The following KRAS variants were observed in gnomAD, a reference collection of about 807,000 sequenced individuals.
KRAS encodes KRas proto-oncogene, GTPase.
In KRAS, 1 loss-of-function variant was observed where a neutral mutation model predicts 21.0. That is an observed-to-expected ratio of 0.05 (90% confidence interval 0.02 to 0.23). KRAS has a LOEUF of 0.23. Ranked by LOEUF, KRAS falls within the 10% of genes least tolerant of loss-of-function variation. The pLI is 1.00. For missense variants in KRAS, 107 were observed against 221.8 expected (o/e 0.48, Z 3.29); for synonymous variants, 67 against 72.5 (o/e 0.92, Z 0.39).
intron 2 of KRAS, among the ~76,000 whole-genome samples, chr12:25,240,549 T>C (rs998660341): frequency 1.3e-5 from 2 of 152,182 alleles, no homozygotes; most frequent in African/African-American, 2.4e-5. Flanking sequence ...ATAAGCTCCA[T>C]GAAGGCAGGA....
intron 2 of KRAS, among the ~76,000 whole-genome samples, chr12:25,238,901 T>C (rs1168321271): frequency 6.6e-6 from 1 of 152,204 alleles, no homozygotes; most frequent in Non-Finnish European, 1.5e-5. Flanking sequence ...TCCAATTAAA[T>C]CCTTGGATAA....
intron 4 of KRAS, among the ~76,000 whole-genome samples, chr12:25,216,922 A>C (rs1951261813): frequency 6.6e-6 from 1 of 152,198 alleles, no homozygotes; most frequent in Non-Finnish European, 1.5e-5. Flanking sequence ...CTTCTAACAG[A>C]AAGGTGAATA....
At position 25,208,154 on chromosome 12, in the gene KRAS, A is replaced by C. The variant is rs1409526404; in HGVS notation, c.*1641T>G. ...TGTATCCTTATGTAAATGGAATATA[A>C]ATTACATAGTTGTAAAAAAAAAAAA... On this transcript the variant is annotated 3_prime_UTR_variant, in exon 5 of 5. Coordinates refer to ENST00000311936, the MANE Select transcript of KRAS (RefSeq NM_004985.5). The C allele has an allele frequency of 4.7e-6, 1 of 214,744 alleles. No homozygotes were observed. Among genetic ancestry groups the C allele is most frequent in the Non-Finnish European group, 9.1e-6 (1 of 109,770 alleles). The allele number at this position is 214,744 out of a possible 1,614,324, so 13.3% of individuals were successfully genotyped here. A position where few individuals can be genotyped will look rare whatever the true frequency, so the allele number is the denominator to read the frequency against.
At chr12:25,209,980 C>A in intron 4 of KRAS, 69 bp from the exon 5 acceptor site, 1 of 1,127,436 alleles carries the variant, frequency 8.9e-7, no homozygotes, top group Non-Finnish European at 1.3e-6. Flanking sequence ...TAACAAATTT[C>A]ATTAATGGAA....
At chr12:25,245,683 A>G (rs1429366974) in intron 1 of KRAS, among the ~76,000 whole-genome samples, 1 of 152,226 alleles carries the variant, frequency 6.6e-6, no homozygotes, top group Non-Finnish European at 1.5e-5. Flanking sequence ...CTATCTAAAT[A>G]GCCAGACTGC....
At position 25,205,564 on chromosome 12, in the gene KRAS, A is replaced by T. The variant is rs1951127319; in HGVS notation, c.*4231T>A. On this transcript the variant is annotated 3_prime_UTR_variant, in exon 5 of 5. Transcript: ENST00000311936. ...CCAGGTAAACATGTTACATTAAGAAATAGTACTAGTAAGAAATTGGCACTC... is the reference window on the plus strand; with the variant it reads ...CCAGGTAAACATGTTACATTAAGAATTAGTACTAGTAAGAAATTGGCACTC... 1 of 216,402 alleles carries T rather than the reference A, an allele frequency of 4.6e-6. No individual in the cohort carries two copies. Among genetic ancestry groups the T allele is most frequent in the Non-Finnish European group, 9.3e-6 (1 of 107,186 alleles). 13.4% of individuals were successfully genotyped at this position (216,402 alleles called of 1,614,324 possible).
At chr12:25,235,777 G>A (rs12230737) in intron 2 of KRAS, among the ~76,000 whole-genome samples, 17,917 of 151,990 alleles carry the variant, frequency 0.12, 1,423 homozygotes, top group Admixed American at 0.16. Context: ...TTAGAACAGC[G>A]GTCCCCAACT....
At chr12:25,223,012 G>C (rs10842509) in intron 4 of KRAS, among the ~76,000 whole-genome samples, 17,393 of 152,176 alleles carry the variant, frequency 0.11, 1,334 homozygotes, top group Admixed American at 0.16. Context: ...TAGAAATGCA[G>C]ACTCGGTCCC....
chr12:25,227,452 C>T (rs1282851486), intron 2 of KRAS, 40 bp from the exon 3 acceptor site: 1 of 1,588,302 alleles, frequency 6.3e-7, no homozygotes, highest in African/African-American at 1.3e-5. Flanking sequence ...TTACAGTGCA[C>T]CTTTTACTTC....
chr12:25,228,885 C>A (rs144562425), intron 2 of KRAS, among the ~76,000 whole-genome samples: 4 of 152,074 alleles, frequency 2.6e-5, no homozygotes, highest in Non-Finnish European at 4.4e-5. Flanking sequence ...ATGGTGAAAC[C>A]CCATCTCTAT....
At position 25,209,832 on chromosome 12, in the gene KRAS, T is replaced by C; in HGVS notation, c.530A>G (p.Lys177Arg). ...ACACTTTGTCTTTGACTTCTTTTTC[T>C]TCTTTTTACCATCTTTGCTCATCTT... ...KEKMSKDGKK[K>R]KKKSKTKCVI... is the part of the protein sequence containing the mutation. The change falls in exon 5 of 5, where the codon AAG becomes AGG. Residue 177 changes from lysine (K) to arginine (R), a missense_variant. Lys to Arg is a conservative substitution (Grantham distance 26, BLOSUM62 2). Coordinates refer to ENST00000311936, the MANE Select transcript of KRAS (RefSeq NM_004985.5). 6.2e-7 allele frequency: 1 copy of C among 1,610,842 alleles called. No homozygotes were observed.
At chr12:25,222,151 A>G (rs899780146) in intron 4 of KRAS, among the ~76,000 whole-genome samples, 4 of 149,812 alleles carry the variant, frequency 2.7e-5, no homozygotes, top group African/African-American at 7.3e-5. Context: ...TCCGTCTCAA[A>G]AAAAAAAAAC....
At position 25,209,392 on chromosome 12, in the gene KRAS, C is replaced by G. The variant is rs1184378701; in HGVS notation, c.*403G>C. On this transcript the variant is annotated 3_prime_UTR_variant, in exon 5 of 5. Coordinates refer to ENST00000311936, the MANE Select transcript of KRAS (RefSeq NM_004985.5). ...GTAAAAACCAATTAGAAGGTCTCAA[C>G]TGAAATTAGTAATTAATCCATTTAT... 2.5e-6 allele frequency: 2 copies of G among 787,014 alleles called. No homozygotes were observed. The highest frequency in any genetic ancestry group is 3.7e-6 in the Non-Finnish European group (2 of 545,500). The allele number at this position is 787,014 out of a possible 1,614,324, so 48.8% of individuals were successfully genotyped here. A position where few individuals can be genotyped will look rare whatever the true frequency, so the allele number is the denominator to read the frequency against.
chr12:25,222,338 C>A (rs1221782573), intron 4 of KRAS, among the ~76,000 whole-genome samples: 1 of 152,066 alleles, frequency 6.6e-6, no homozygotes, highest in African/African-American at 2.4e-5. Context: ...CGGAATAGCT[C>A]TTTAAAGTCT....
chr12:25,240,356 T>TACTG (rs1264445636), intron 2 of KRAS, among the ~76,000 whole-genome samples: 1 of 152,202 alleles, frequency 6.6e-6, no homozygotes, highest in African/African-American at 2.4e-5. Context: ...TATCCATGGG[T>TACTG]ACTGCATCTA....
intron 2 of KRAS, among the ~76,000 whole-genome samples, chr12:25,237,378 T>C (rs1328012536): frequency 6.6e-6 from 1 of 152,228 alleles, no homozygotes; most frequent in African/African-American, 2.4e-5. Flanking sequence ...AATTGTATGC[T>C]ATGTGAATAC....
chr12:25,227,084 T>G, intron 3 of KRAS, 150 bp downstream of exon 3: 1 of 549,856 alleles, frequency 1.8e-6, no homozygotes, highest in Admixed American at 3.2e-5. Context: ...CCCCAAGAAC[T>G]TCATTTATAA....
intron 4 of KRAS, among the ~76,000 whole-genome samples, chr12:25,216,607 G>C (rs1013872973): frequency 1.3e-5 from 2 of 152,200 alleles, no homozygotes; most frequent in Non-Finnish European, 2.9e-5. Context: ...TTTTAGAACA[G>C]TGTTCAATCA....
intron 1 of KRAS, among the ~76,000 whole-genome samples, chr12:25,246,522 C>G (rs1461879172): frequency 6.6e-6 from 1 of 152,108 alleles, no homozygotes; most frequent in Non-Finnish European, 1.5e-5. Flanking sequence ...CACGCCACTG[C>G]ACTCCAGATT....
Sources: gnomAD v4.1 joint callset for allele counts (sites outside exome capture counted in the v4.1 genomes callset) on GRCh38, gnomAD v4.1.1 for gene constraint, MANE v1.5 for transcripts, NCBI Gene and HGNC (gene_info 2026-07-23, HGNC 2026-07-21) for gene names.